Variants in AGBL1 observed in about 807,000 individuals in gnomAD.
AGBL1 encodes the protein AGBL carboxypeptidase 1.
A neutral mutation model predicts 118.9 loss-of-function variants in AGBL1; 130 were observed. The ratio of observed to expected loss-of-function variants is 1.09; its 90% CI spans 0.95 to 1.26. The LOEUF (loss-of-function observed/expected upper bound fraction) is 1.26. Among genes scored for constraint, AGBL1 ranks in the 50% most tolerant of loss-of-function variants. The pLI, the probability that AGBL1 is intolerant of heterozygous loss-of-function variation, is 0.00. For missense variants in AGBL1, 1,584 were observed against 1,298.1 expected (o/e 1.22, Z -3.38); for synonymous variants, 555 against 478.9 (o/e 1.16, Z -2.08).
intron 17 of AGBL1, among the ~76,000 whole-genome samples, chr15:86,301,432 C>T (rs941543321): frequency 6.7e-6 from 1 of 148,686 alleles, no homozygotes; most frequent in African/African-American, 2.5e-5. Flanking sequence ...ATGCTTTTGA[C>T]AAATAGTACA....
At chr15:86,723,476 A>AG (rs930979975) in intron 22 of AGBL1, among the ~76,000 whole-genome samples, 3 of 152,130 alleles carry the variant, frequency 2.0e-5, no homozygotes, top group African/African-American at 4.8e-5. Flanking sequence ...GGACACAGGA[A>AG]GGGGAACATC....
At chr15:86,905,457 T>C (rs7165326) in intron 22 of AGBL1, among the ~76,000 whole-genome samples, 20,177 of 152,180 alleles carry the variant, frequency 0.13, 1,487 homozygotes, top group African/African-American at 0.2. Context: ...GCAACAGTTA[T>C]TGCAGTAACC....
At position 86,707,122 on chromosome 15, in the gene AGBL1, C is replaced by T. The variant is rs2086464453; in HGVS notation, c.3158+32686C>T. Among the ~76,000 whole-genome samples the T allele has an allele frequency of 2.0e-5, 3 of 152,066 alleles. No individual in the cohort carries two copies. The South Asian group carries it at 6.2e-4, about 32-fold the overall frequency. ...AGTTTTGCTAGCTATGTGCTAGATC[C>T]TATTAGAGCACTTCACTCAGCAAGT... On this transcript the variant is annotated intron_variant, in intron 22 of 22. Coordinates refer to ENST00000614907, the MANE Select transcript of AGBL1 (RefSeq NM_001386094.1).
At chr15:87,003,759 T>C (rs1335072369) in intron 24 of AGBL1, among the ~76,000 whole-genome samples, 1 of 152,232 alleles carries the variant, frequency 6.6e-6, no homozygotes, top group Non-Finnish European at 1.5e-5. Context: ...TCAAGTTTAT[T>C]TGCATAGAGA....
At chr15:86,853,030 A>G (rs2079428515) in intron 22 of AGBL1, among the ~76,000 whole-genome samples, 1 of 151,148 alleles carries the variant, frequency 6.6e-6, no homozygotes, top group Non-Finnish European at 1.5e-5. Flanking sequence ...TGCAATTAGA[A>G]TCACATGGGA....
chr15:87,025,862 C>CAACT (rs2081721720), intron 24 of AGBL1, among the ~76,000 whole-genome samples: 1 of 151,776 alleles, frequency 6.6e-6, no homozygotes, highest in Non-Finnish European at 1.5e-5. Flanking sequence ...CAAATACTTA[C>CAACT]AACTAACTGA....
chr15:86,897,903 A>T (rs920266058), intron 22 of AGBL1, among the ~76,000 whole-genome samples: 25 of 149,476 alleles, frequency 1.7e-4, no homozygotes, highest in Middle Eastern at 3.4e-3. Flanking sequence ...CTGAGTATCT[A>T]GCTGAACTAC....
chr15:86,910,652 G>T lies in AGBL1; in HGVS notation c.*3358G>T, dbSNP rs1378638964. 1 of 152,238 alleles carries T rather than the reference G, an allele frequency of 6.6e-6. No homozygotes were observed. Among genetic ancestry groups the T allele is most frequent in the Non-Finnish European group, 1.5e-5 (1 of 68,066 alleles). 9.4% of individuals were successfully genotyped at this position (152,238 alleles called of 1,614,324 possible). A position where few individuals can be genotyped will look rare whatever the true frequency, so the allele number is the denominator to read the frequency against. On this transcript the variant is annotated 3_prime_UTR_variant, in exon 23 of 23. Coordinates refer to ENST00000614907, the MANE Select transcript of AGBL1 (RefSeq NM_001386094.1). Reference sequence around the variant, plus strand: ...GATAATAAGTGCAGTTTGGGGACATGTTAAATGTTGGTGGCCTACATGATA... The same window carrying T: ...GATAATAAGTGCAGTTTGGGGACATTTTAAATGTTGGTGGCCTACATGATA...
At chr15:86,176,181 T>C (rs555718100) in intron 5 of AGBL1, among the ~76,000 whole-genome samples, 2 of 152,272 alleles carry the variant, frequency 1.3e-5, no homozygotes, top group African/African-American at 4.8e-5. Flanking sequence ...TGTGCTAGCA[T>C]GGGGAATGAT....
intron 22 of AGBL1, among the ~76,000 whole-genome samples, chr15:86,792,362 G>A (rs2078506669): frequency 2.6e-5 from 4 of 152,056 alleles, no homozygotes. Context: ...TAGTAATTCT[G>A]ATATAACCTG....
At chr15:86,080,088 G>A (rs778799383) in intron 1 of AGBL1, 65 bp downstream of exon 1, 33 of 1,189,508 alleles carry the variant, frequency 2.8e-5, no homozygotes, top group Non-Finnish European at 3.5e-5. Context: ...TGGCCTGCCT[G>A]GGAGCTATGC....
intron 5 of AGBL1, among the ~76,000 whole-genome samples, chr15:86,205,238 G>A (rs1235362425): frequency 6.6e-6 from 1 of 152,116 alleles, no homozygotes; most frequent in Non-Finnish European, 1.5e-5. Flanking sequence ...CATTCACTTA[G>A]CAATATGCAC....
intron 22 of AGBL1, among the ~76,000 whole-genome samples, chr15:86,891,818 T>C (rs2080056458): frequency 6.6e-6 from 1 of 152,162 alleles, no homozygotes; most frequent in South Asian, 2.1e-4. Flanking sequence ...AGCCCAGCTG[T>C]ATTTTAACAC....
intron 19 of AGBL1, among the ~76,000 whole-genome samples, chr15:86,539,678 C>G (rs1022874102): frequency 5.9e-5 from 9 of 152,198 alleles, no homozygotes; most frequent in African/African-American, 2.2e-4. Context: ...TCTACAGATC[C>G]TTCTTGCTGT....
At chr15:86,977,065 C>T (rs1343158394) in intron 23 of AGBL1, among the ~76,000 whole-genome samples, 1 of 151,858 alleles carries the variant, frequency 6.6e-6, no homozygotes, top group Non-Finnish European at 1.5e-5. Context: ...TTATTGTTCT[C>T]TTCAGGTATT....
chr15:86,316,450 G>T (rs2080011747), intron 17 of AGBL1, among the ~76,000 whole-genome samples: 1 of 152,172 alleles, frequency 6.6e-6, no homozygotes, highest in South Asian at 2.1e-4. Context: ...AACGGAGTGG[G>T]TTTGGAAGCC....
chr15:86,572,513 A>C (rs918626996), intron 21 of AGBL1, among the ~76,000 whole-genome samples: 1 of 152,150 alleles, frequency 6.6e-6, no homozygotes, highest in Admixed American at 6.5e-5. Context: ...GGAGGCTCCC[A>C]GAGGCAGGCT....
At chr15:86,457,154 A>G (rs34552835) in intron 18 of AGBL1, among the ~76,000 whole-genome samples, 51,581 of 149,838 alleles carry the variant, frequency 0.34, 10,487 homozygotes, top group Non-Finnish European at 0.47. Flanking sequence ...AAAGGGACAG[A>G]AGCAAATATC....
At chr15:86,842,479 A>C (rs978272549) in intron 22 of AGBL1, among the ~76,000 whole-genome samples, 1 of 152,182 alleles carries the variant, frequency 6.6e-6, no homozygotes, top group African/African-American at 2.4e-5. Flanking sequence ...ATTTCAGTGT[A>C]ATTAAGAGAT....
Sources: allele counts gnomAD v4.1 joint callset (sites outside exome capture counted in the v4.1 genomes callset), GRCh38; gene constraint gnomAD v4.1.1; transcripts MANE v1.5; gene names NCBI Gene and HGNC (gene_info 2026-07-23, HGNC 2026-07-21).